The following MYO3A variants were observed in gnomAD, a reference collection of about 807,000 sequenced individuals.
MYO3A encodes the protein myosin IIIA.
In MYO3A, 180 loss-of-function variants were observed where a neutral mutation model predicts 192.7. The ratio of observed to expected loss-of-function variants is 0.93; its 90% confidence interval spans 0.83 to 1.06. MYO3A has a LOEUF of 1.06. Among genes scored for constraint, MYO3A ranks in the 50% least tolerant of loss-of-function variants. The probability of loss-of-function intolerance (pLI) is 0.00; values close to 1 mark genes in which losing one functional copy is unlikely to be tolerated. For missense variants in MYO3A, 1,896 were observed against 1,905.0 expected (o/e 1.00, Z 0.09); for synonymous variants, 628 against 645.3 (o/e 0.97, Z 0.41).
intron 34 of MYO3A, among the ~76,000 whole-genome samples, chr10:26,207,721 T>G (rs1453163572): frequency 2.1e-5 from 3 of 146,258 alleles, no homozygotes; most frequent in Non-Finnish European, 3.0e-5. Context: ...TCTCCCTGCT[T>G]TCTTCTTTTT....
At chr10:26,044,047 T>C (rs971717832) in intron 10 of MYO3A, among the ~76,000 whole-genome samples, 1 of 152,172 alleles carries the variant, frequency 6.6e-6, no homozygotes, top group African/African-American at 2.4e-5. Context: ...GTGCCAGGTC[T>C]TGGTTCTTCC....
intron 4 of MYO3A, among the ~76,000 whole-genome samples, chr10:25,972,829 A>C (rs1319001405): frequency 2.0e-5 from 3 of 152,064 alleles, no homozygotes; most frequent in Non-Finnish European, 4.4e-5. Flanking sequence ...GGCTCCACTA[A>C]TTGTCAGCTG....
intron 10 of MYO3A, among the ~76,000 whole-genome samples, chr10:26,054,086 C>T (rs78436231): frequency 1.3e-5 from 2 of 152,042 alleles, no homozygotes; most frequent in South Asian, 2.1e-4. Context: ...TTAGGAGATA[C>T]GGTGGGAGAA....
intron 17 of MYO3A, among the ~76,000 whole-genome samples, chr10:26,105,132 TATAA>T (rs1019639353): frequency 1.4e-4 from 22 of 152,258 alleles, no homozygotes; most frequent in African/African-American, 5.1e-4. Flanking sequence ...GGCATATAAC[TATAA>T]ATGTTTCCAG....
chr10:25,972,394 T>A (rs936734255), intron 4 of MYO3A, among the ~76,000 whole-genome samples: 4 of 152,100 alleles, frequency 2.6e-5, no homozygotes, highest in Non-Finnish European at 5.9e-5. Context: ...CATATTTATA[T>A]CTTTGCTTTG....
At chr10:25,985,430 TA>T (rs1376418706) in intron 4 of MYO3A, among the ~76,000 whole-genome samples, 2 of 150,538 alleles carry the variant, frequency 1.3e-5, no homozygotes, top group East Asian at 3.9e-4. Context: ...ATAAATGAAA[TA>T]AAAAGCTGGT....
intron 6 of MYO3A, among the ~76,000 whole-genome samples, chr10:26,016,342 A>G (rs1263740841): frequency 6.6e-6 from 1 of 152,172 alleles, no homozygotes; most frequent in Non-Finnish European, 1.5e-5. Context: ...GGTAGATGGA[A>G]AATAATTTTA....
intron 17 of MYO3A, among the ~76,000 whole-genome samples, chr10:26,099,834 T>C (rs1837317553): frequency 6.6e-6 from 1 of 152,222 alleles, no homozygotes; most frequent in African/African-American, 2.4e-5. Flanking sequence ...TGAGGATTTT[T>C]GCATCGATGT....
At chr10:26,209,642 C>T (rs987097947) in intron 34 of MYO3A, among the ~76,000 whole-genome samples, 2 of 152,200 alleles carry the variant, frequency 1.3e-5, no homozygotes, top group African/African-American at 4.8e-5. Context: ...CACTGGCCTT[C>T]AGGACAGCAC....
chr10:25,938,423 G>A (rs1836254994), intron 2 of MYO3A, among the ~76,000 whole-genome samples: 1 of 152,150 alleles, frequency 6.6e-6, no homozygotes, highest in African/African-American at 2.4e-5. Flanking sequence ...TAAAGAATGT[G>A]GATTTTGTGG....
chr10:25,947,822 G>A (rs1370433947), intron 2 of MYO3A, among the ~76,000 whole-genome samples: 1 of 152,056 alleles, frequency 6.6e-6, no homozygotes, highest in African/African-American at 2.4e-5. Flanking sequence ...TATCTACTAT[G>A]TGTCAGGCAT....
chr10:26,063,546 G>A (rs1834636344), intron 10 of MYO3A, among the ~76,000 whole-genome samples: 1 of 152,160 alleles, frequency 6.6e-6, no homozygotes, highest in Non-Finnish European at 1.5e-5. Flanking sequence ...AGCACCATAT[G>A]TTGAAAAGAT....
chr10:26,039,632 AATTT>A (rs537995792), intron 10 of MYO3A, among the ~76,000 whole-genome samples: 253 of 151,990 alleles, frequency 1.7e-3, no homozygotes, highest in African/African-American at 5.9e-3. Context: ...TGTGTCTGGG[AATTT>A]ATTTATTCTA....
At chr10:26,197,093 A>G (rs531939877) in intron 32 of MYO3A, among the ~76,000 whole-genome samples, 12 of 152,232 alleles carry the variant, frequency 7.9e-5, no homozygotes, top group Non-Finnish European at 1.6e-4. Flanking sequence ...CAGAAAGCCA[A>G]TCACTGAACC....
chr10:26,123,672 AT>A (rs1157408179), intron 18 of MYO3A, among the ~76,000 whole-genome samples: 1 of 152,166 alleles, frequency 6.6e-6, no homozygotes, highest in Non-Finnish European at 1.5e-5. Flanking sequence ...CACGCCTGTA[AT>A]CCCAGCACTT....
chr10:26,207,899 C>G (rs775060170), intron 34 of MYO3A, among the ~76,000 whole-genome samples: 1 of 152,130 alleles, frequency 6.6e-6, no homozygotes, highest in Non-Finnish European at 1.5e-5. Context: ...TTATTCTGAT[C>G]CATGAACACG....
chr10:26,212,169 TC>T lies in MYO3A; in HGVS notation c.*211del, dbSNP rs1194466120. The T allele has an allele frequency of 3.0e-6, 2 of 672,560 alleles. No homozygotes were observed. Among genetic ancestry groups the T allele is most frequent in the Non-Finnish European group, 4.7e-6 (2 of 424,420 alleles). The allele number at this position is 672,560 out of a possible 1,614,324, so 41.7% of individuals were successfully genotyped here. ...GAGACCTGGGAGCCCTCGGGAAACC[TC>T]CCCCGACGCTCTCTCTCGGAACTCC... On this transcript the variant is annotated 3_prime_UTR_variant, in exon 35 of 35. Coordinates refer to ENST00000642920, the MANE Select transcript of MYO3A (RefSeq NM_017433.5).
chr10:26,150,938 A>G (rs549715906), intron 23 of MYO3A, among the ~76,000 whole-genome samples: 10 of 152,240 alleles, frequency 6.6e-5, no homozygotes, highest in Non-Finnish European at 1.5e-5. Flanking sequence ...CAGCACTTAT[A>G]TGGGTTATTT....
In MYO3A at chr10:25,997,648, G is replaced by A. The variant is rs558337907; in HGVS notation, c.508+390G>A. Among the ~76,000 whole-genome samples the A allele has an allele frequency of 2.6e-3, 391 of 152,250 alleles. 2 individuals are homozygous for A. The highest frequency in any genetic ancestry group is 2.7e-3 in the Non-Finnish European group (181 of 68,018). On this transcript the variant is annotated intron_variant, in intron 6 of 34. Coordinates refer to ENST00000642920, the MANE Select transcript of MYO3A (RefSeq NM_017433.5). ...AGGGGAAATTTTCATTATCATCTGGGAGTATTTCCTCCCTCCTAAGGAGAA... is the reference window on the plus strand; with the variant it reads ...AGGGGAAATTTTCATTATCATCTGGAAGTATTTCCTCCCTCCTAAGGAGAA...
Sources: gnomAD v4.1 joint callset for allele counts (sites outside exome capture counted in the v4.1 genomes callset) on GRCh38, gnomAD v4.1.1 for gene constraint, MANE v1.5 for transcripts, NCBI Gene and HGNC (gene_info 2026-07-23, HGNC 2026-07-21) for gene names.